The following KCNQ3 variants were observed in gnomAD, a reference collection of about 807,000 sequenced individuals.
The protein encoded by KCNQ3 is potassium voltage-gated channel subfamily Q member 3.
In KCNQ3, 30 loss-of-function variants were observed where a neutral mutation model predicts 92.5. That is an observed-to-expected ratio of 0.32 (90% CI 0.24 to 0.44). KCNQ3 has a LOEUF of 0.44. Ranked by LOEUF, KCNQ3 falls within the 20% of genes least tolerant of loss-of-function variation. KCNQ3 has a pLI of 1.00. For synonymous variants in KCNQ3, 450 were observed against 468.8 expected, an observed-to-expected ratio of 0.96 and a Z score of 0.52; for missense variants, 913 against 1,140.3, an observed-to-expected ratio of 0.80 and a Z score of 2.87.
chr8:132,132,256 G>A lies in KCNQ3; in HGVS notation c.1808C>T (p.Pro603Leu). ...TGATGTGGATGGTCTGGCTACATAT[G>A]GTTCATTCCTAAGAAGAAGCGAACA... ...FPSQQSPRNEPYVARPSTSEI... is the reference protein window; with the variant it reads ...FPSQQSPRNELYVARPSTSEI... The change falls in exon 14 of 15, where the codon CCA becomes CTA. Residue 603 changes from proline to leucine, a missense_variant. Pro to Leu is a moderately conservative substitution (Grantham distance 98). Transcript: ENST00000388996. The A allele has an allele frequency of 6.2e-7, 1 of 1,611,972 alleles. No individual in the cohort carries two copies. The highest frequency in any genetic ancestry group is 2.2e-5 in the East Asian group (1 of 44,856).
chr8:132,389,264 C>G (rs1267271772), intron 1 of KCNQ3, among the ~76,000 whole-genome samples: 1 of 152,160 alleles, frequency 6.6e-6, no homozygotes, highest in Non-Finnish European at 1.5e-5. Flanking sequence ...TGAGGCCAGC[C>G]TAGCCAACAT....
At chr8:132,319,151 A>C (rs1049188655) in intron 1 of KCNQ3, among the ~76,000 whole-genome samples, 18 of 152,204 alleles carry the variant, frequency 1.2e-4, no homozygotes, top group Non-Finnish European at 2.5e-4. Context: ...GAGTGATCTC[A>C]TTTCTCCATG....
chr8:132,464,189 G>GT (rs1282146394), intron 1 of KCNQ3, among the ~76,000 whole-genome samples: 1 of 152,202 alleles, frequency 6.6e-6, no homozygotes, highest in Non-Finnish European at 1.5e-5. Flanking sequence ...CCATAAGACT[G>GT]TATCACAGCC....
At chr8:132,190,256 A>C (rs1827119541) in intron 1 of KCNQ3, among the ~76,000 whole-genome samples, 1 of 152,172 alleles carries the variant, frequency 6.6e-6, no homozygotes, top group Admixed American at 6.5e-5. Context: ...ATCTCCAATG[A>C]GTCAGGCAGT....
chr8:132,365,050 C>G (rs1393325426), intron 1 of KCNQ3, among the ~76,000 whole-genome samples: 1 of 152,148 alleles, frequency 6.6e-6, no homozygotes, highest in Non-Finnish European at 1.5e-5. Context: ...AAAGGCCACT[C>G]AAGCAGCCAA....
intron 1 of KCNQ3, among the ~76,000 whole-genome samples, chr8:132,425,423 T>C (rs1320112477): frequency 6.6e-6 from 1 of 152,162 alleles, no homozygotes; most frequent in Non-Finnish European, 1.5e-5. Flanking sequence ...AATAATACGA[T>C]CTGCATTGAG....
chr8:132,143,776 G>A (rs1251625957), intron 9 of KCNQ3, among the ~76,000 whole-genome samples: 1 of 152,148 alleles, frequency 6.6e-6, no homozygotes, highest in Non-Finnish European at 1.5e-5. Flanking sequence ...GACGATGTGT[G>A]TGAAAAGGAT....
intron 12 of KCNQ3, among the ~76,000 whole-genome samples, chr8:132,136,365 T>C (rs1436776187): frequency 2.0e-5 from 3 of 152,138 alleles, no homozygotes; most frequent in African/African-American, 4.8e-5. Flanking sequence ...TTCCTGACTG[T>C]TATTCCATGG....
chr8:132,229,324 G>A (rs952196608), intron 1 of KCNQ3, among the ~76,000 whole-genome samples: 2 of 152,020 alleles, frequency 1.3e-5, no homozygotes, highest in African/African-American at 4.8e-5. Flanking sequence ...TACCAGTGCA[G>A]TTTTTCCCAG....
chr8:132,286,193 G>C (rs1306489740), intron 1 of KCNQ3, among the ~76,000 whole-genome samples: 1 of 152,170 alleles, frequency 6.6e-6, no homozygotes, highest in Non-Finnish European at 1.5e-5. Context: ...ACAGCCACTA[G>C]CAGCCTGCAA....
intron 1 of KCNQ3, among the ~76,000 whole-genome samples, chr8:132,368,289 C>A (rs567277646): frequency 3.9e-4 from 59 of 152,250 alleles, no homozygotes; most frequent in South Asian, 1.7e-3. Context: ...AATTGAGGAC[C>A]TCCTCTGTAT....
At chr8:132,369,689 A>T (rs1291720621) in intron 1 of KCNQ3, among the ~76,000 whole-genome samples, 1 of 152,134 alleles carries the variant, frequency 6.6e-6, no homozygotes, top group African/African-American at 2.4e-5. Context: ...AGCAAGATTC[A>T]GTTACTCGTC....
chr8:132,384,027 A>C (rs1158069555), intron 1 of KCNQ3, among the ~76,000 whole-genome samples: 1 of 152,242 alleles, frequency 6.6e-6, no homozygotes, highest in Non-Finnish European at 1.5e-5. Context: ...AATGGGAGTC[A>C]GTGTTAGAAC....
intron 1 of KCNQ3, among the ~76,000 whole-genome samples, chr8:132,365,155 A>G (rs2100647): frequency 0.019 from 2,947 of 152,304 alleles, 35 homozygotes; most frequent in Non-Finnish European, 0.025. Flanking sequence ...CCCAGAGTCA[A>G]GCATGAAGAC....
Position 132,129,212 on chromosome 8 carries a change from C to T in KCNQ3, c.*50G>A. ...AGCGTCGGGTGTAAGAGTAAGTGAACTATACAAAGTCTGTCTACATTACAA... is the reference window on the plus strand; with the variant it reads ...AGCGTCGGGTGTAAGAGTAAGTGAATTATACAAAGTCTGTCTACATTACAA... On this transcript the variant is annotated 3_prime_UTR_variant, in exon 15 of 15. Transcript: ENST00000388996. The surrounding 1 kb of genome is among the most constrained non-coding windows in gnomAD (Gnocchi z 5.9). 1 of 1,593,650 alleles carries T rather than the reference C, an allele frequency of 6.3e-7. No individual in the cohort carries two copies.
chr8:132,363,004 G>C (rs1395881802), intron 1 of KCNQ3, among the ~76,000 whole-genome samples: 25 of 152,202 alleles, frequency 1.6e-4, no homozygotes, highest in Admixed American at 1.6e-3. Flanking sequence ...AGTGAAGGGG[G>C]AGTTACCAAA....
At chr8:132,345,329 G>A (rs1818653759) in intron 1 of KCNQ3, among the ~76,000 whole-genome samples, 1 of 152,136 alleles carries the variant, frequency 6.6e-6, no homozygotes, top group South Asian at 2.1e-4. Context: ...AAATACATTT[G>A]GAACCTTGAA....
At chr8:132,149,375 G>A (rs1825563121) in intron 9 of KCNQ3, among the ~76,000 whole-genome samples, 1 of 152,190 alleles carries the variant, frequency 6.6e-6, no homozygotes, top group African/African-American at 2.4e-5. Context: ...TCGCTTTGCT[G>A]AGTGGTTTTT....
chr8:132,444,219 A>G (rs1195610435), intron 1 of KCNQ3, among the ~76,000 whole-genome samples: 1 of 152,014 alleles, frequency 6.6e-6, no homozygotes, highest in Non-Finnish European at 1.5e-5. Context: ...ATCTCATGTG[A>G]TTTAGCTCAT....
Sources: allele counts gnomAD v4.1 joint callset (sites outside exome capture counted in the v4.1 genomes callset), GRCh38; gene constraint gnomAD v4.1.1; non-coding constraint Gnocchi (gnomAD v3.1); transcripts MANE v1.5; gene names NCBI Gene and HGNC (gene_info 2026-07-23, HGNC 2026-07-21).